The following PLD5 variants were observed in gnomAD, a reference collection of about 807,000 sequenced individuals.
PLD5 encodes the protein inactive phospholipase D5.
PLD5 carries 36 observed loss-of-function variants against 61.1 expected under a neutral mutation model. The ratio of observed to expected loss-of-function variants is 0.59; its 90% CI spans 0.45 to 0.78. The LOEUF (loss-of-function observed/expected upper bound fraction) is 0.78. Among genes scored for constraint, PLD5 ranks in the 30% least tolerant of loss-of-function variants. The pLI, the probability that PLD5 is intolerant of heterozygous loss-of-function variation, is 0.00. For synonymous variants in PLD5, 243 were observed against 242.8 expected (o/e 1.00, Z -0.01); for missense variants, 515 against 644.4 (o/e 0.80, Z 2.17).
At chr1:242,241,869 CTATATATATATATATATATA>C (rs752113161) in intron 4 of PLD5, among the ~76,000 whole-genome samples, 37 of 70,864 alleles carry the variant, frequency 5.2e-4, no homozygotes, top group African/African-American at 1.2e-3. Flanking sequence ...GCTTTACTTA[CTATATATATATATATATATA>C]TATATATATA....
intron 4 of PLD5, among the ~76,000 whole-genome samples, chr1:242,261,089 A>G (rs1486570286): frequency 2.0e-5 from 3 of 152,228 alleles, no homozygotes; most frequent in Non-Finnish European, 4.4e-5. Flanking sequence ...GGCAGTTCTA[A>G]AAGTGAAAAA....
At chr1:242,408,886 G>A (rs1274825447) in intron 1 of PLD5, among the ~76,000 whole-genome samples, 5 of 152,046 alleles carry the variant, frequency 3.3e-5, no homozygotes, top group Non-Finnish European at 5.9e-5. Flanking sequence ...GGCCAACATG[G>A]TGAAACCCTG....
chr1:242,369,635 G>A (rs997871534), intron 1 of PLD5, among the ~76,000 whole-genome samples: 2 of 152,162 alleles, frequency 1.3e-5, no homozygotes, highest in African/African-American at 4.8e-5. Context: ...GGTCAGAGGA[G>A]TTGTCATGTA....
intron 7 of PLD5, among the ~76,000 whole-genome samples, chr1:242,108,970 C>T (rs1661274620): frequency 6.6e-6 from 1 of 152,188 alleles, no homozygotes; most frequent in Admixed American, 6.5e-5. Context: ...AAGATACTTG[C>T]CTCTGTACCT....
rs201490435 is a variant in PLD5, at chr1:242,267,195, A to AGGAAAGGGAAAGGGAAAG, written c.496-1765_496-1748dup. Reference sequence around the variant, plus strand: ...AAGGAAATGGAAAGGGAAAAGGAAAAGGAAAGGGAAAGGGAAAGGGAGAAA... The same window carrying AGGAAAGGGAAAGGGAAAG: ...AAGGAAATGGAAAGGGAAAAGGAAAAGGAAAGGGAAAGGGAAAGGGAAAGGGAAAGGGAAAGGGAGAAA... On this transcript the variant is annotated intron_variant, in intron 3 of 9. Transcript: ENST00000536534. Among the ~76,000 whole-genome samples, 4 of 128,942 alleles carry AGGAAAGGGAAAGGGAAAG rather than the reference A, an allele frequency of 3.1e-5. 1 individual carries two copies. In the Admixed American group the frequency reaches 3.4e-4, roughly 11 times the overall value. The allele number at this position is 128,942 out of a possible 152,430, so 84.6% of individuals were successfully genotyped here. A position where few individuals can be genotyped will look rare whatever the true frequency, so the allele number is the denominator to read the frequency against.
chr1:242,467,692 G>A (rs563932344), intron 1 of PLD5, among the ~76,000 whole-genome samples: 35 of 152,292 alleles, frequency 2.3e-4, no homozygotes, highest in African/African-American at 6.5e-4. Context: ...CAGAACCGGC[G>A]TTCCTAAGAC....
At chr1:242,155,143 T>C (rs1665252648) in intron 5 of PLD5, among the ~76,000 whole-genome samples, 1 of 152,168 alleles carries the variant, frequency 6.6e-6, no homozygotes, top group African/African-American at 2.4e-5. Flanking sequence ...CGTAGAGCTG[T>C]TTATAGTATT....
chr1:242,367,186 T>C (rs2149242959), intron 1 of PLD5, among the ~76,000 whole-genome samples: 1 of 152,288 alleles, frequency 6.6e-6, no homozygotes, highest in South Asian at 2.1e-4. Flanking sequence ...ATAATGAATG[T>C]TGACAACTAA....
chr1:242,212,111 GAGA>G (rs1458035078), intron 5 of PLD5, among the ~76,000 whole-genome samples: 2 of 152,146 alleles, frequency 1.3e-5, no homozygotes, highest in East Asian at 1.9e-4. Context: ...GCCTAAAAAG[GAGA>G]AGGAGGAAGA....
intron 5 of PLD5, among the ~76,000 whole-genome samples, chr1:242,197,083 T>G (rs1668680073): frequency 6.6e-6 from 1 of 151,986 alleles, no homozygotes; most frequent in Non-Finnish European, 1.5e-5. Context: ...CTTGACTCAG[T>G]CTTGGGCTTC....
At chr1:242,101,609 G>A (rs992116547) in intron 8 of PLD5, among the ~76,000 whole-genome samples, 4 of 152,196 alleles carry the variant, frequency 2.6e-5, no homozygotes, top group African/African-American at 4.8e-5. Flanking sequence ...TCAGAACTGC[G>A]TGGAACCTTG....
intron 1 of PLD5, among the ~76,000 whole-genome samples, chr1:242,517,888 T>C (rs1357280472): frequency 6.6e-6 from 1 of 152,156 alleles, no homozygotes; most frequent in African/African-American, 2.4e-5. Context: ...AGTTTGCCAA[T>C]TGGTATTTTT....
intron 1 of PLD5, among the ~76,000 whole-genome samples, chr1:242,519,247 C>A (rs190390070): frequency 2.0e-5 from 3 of 152,238 alleles, no homozygotes. Flanking sequence ...ATAATATGAG[C>A]CTAGACCGCT....
chr1:242,420,963 C>T (rs1430837527), intron 1 of PLD5, among the ~76,000 whole-genome samples: 9 of 152,048 alleles, frequency 5.9e-5, no homozygotes, highest in Non-Finnish European at 4.4e-5. Context: ...AGGCGGATCA[C>T]GAGGTCAAGA....
chr1:242,156,631 GA>G (rs1665392103), intron 5 of PLD5, among the ~76,000 whole-genome samples: 1 of 152,160 alleles, frequency 6.6e-6, no homozygotes, highest in Admixed American at 6.5e-5. Context: ...GGCTGGATAT[GA>G]AATTCTGGGT....
At chr1:242,218,440 T>C (rs914008961) in intron 5 of PLD5, among the ~76,000 whole-genome samples, 3 of 152,314 alleles carry the variant, frequency 2.0e-5, no homozygotes, top group East Asian at 1.9e-4. Flanking sequence ...TGTATGTCTA[T>C]AGAAGCAAAC....
chr1:242,435,790 C>G (rs1234764319), intron 1 of PLD5, among the ~76,000 whole-genome samples: 1 of 152,162 alleles, frequency 6.6e-6, no homozygotes, highest in Non-Finnish European at 1.5e-5. Flanking sequence ...TGAGAATGTA[C>G]TTACTTTTAG....
chr1:242,272,310 T>G (rs1674137023), intron 3 of PLD5, among the ~76,000 whole-genome samples: 1 of 152,134 alleles, frequency 6.6e-6, no homozygotes, highest in South Asian at 2.1e-4. Context: ...AATGTAATAC[T>G]TCAAAATATA....
chr1:242,244,351 G>C (rs529785799), intron 4 of PLD5, among the ~76,000 whole-genome samples: 2 of 152,252 alleles, frequency 1.3e-5, no homozygotes, highest in Admixed American at 1.3e-4. Flanking sequence ...CTGTTCATGG[G>C]ACAAATAGGA....
Sources: gnomAD v4.1 joint callset for allele counts (sites outside exome capture counted in the v4.1 genomes callset) on GRCh38, gnomAD v4.1.1 for gene constraint, MANE v1.5 for transcripts, NCBI Gene and HGNC (gene_info 2026-07-23, HGNC 2026-07-21) for gene names.